The following GPHN variants were observed in gnomAD, a reference collection of about 807,000 sequenced individuals.
The protein encoded by GPHN is gephyrin.
In GPHN, 17 loss-of-function variants were observed where a neutral mutation model predicts 95.5. That is an observed-to-expected ratio of 0.18 (90% CI 0.12 to 0.27). The LOEUF (loss-of-function observed/expected upper bound fraction) is 0.27. Among genes scored for constraint, GPHN ranks in the 10% least tolerant of loss-of-function variants. The probability of loss-of-function intolerance (pLI) is 1.00; values close to 1 mark genes in which losing one functional copy is unlikely to be tolerated. For synonymous variants in GPHN, 320 were observed against 322.5 expected, an observed-to-expected ratio of 0.99 and a Z score of 0.08; for missense variants, 660 against 978.1, an observed-to-expected ratio of 0.67 and a Z score of 4.34.
At chr14:67,281,118 T>A in the GPHN span, among the ~76,000 whole-genome samples, 1 of 151,860 alleles carries the variant, frequency 6.6e-6, no homozygotes, top group East Asian at 1.9e-4. Context: ...AGGCTGGTCT[T>A]CAACTCCTGA....
the GPHN span, among the ~76,000 whole-genome samples, chr14:67,444,159 T>C: frequency 6.6e-6 from 1 of 152,248 alleles, no homozygotes; most frequent in African/African-American, 2.4e-5. Context: ...TATGTATTGA[T>C]GTCTTATGTC....
the GPHN span, chr14:67,616,594 G>A: frequency 6.6e-6 from 1 of 151,326 alleles, no homozygotes; most frequent in African/African-American, 2.4e-5. Context: ...TTTCAGACAT[G>A]GAATAAATAA....
At chr14:67,590,226 AGTGGT>A in the GPHN span, 1 of 1,378,742 alleles carries the variant, frequency 7.3e-7, no homozygotes, top group Non-Finnish European at 9.7e-7. Flanking sequence ...AAGGGAGTGC[AGTGGT>A]GCTGCATCCA....
chr14:67,444,557 A>G, the GPHN span, among the ~76,000 whole-genome samples: 3 of 152,184 alleles, frequency 2.0e-5, no homozygotes, highest in African/African-American at 4.8e-5. Context: ...AGTGATAGGA[A>G]TGTCTTTTGT....
At chr14:67,683,133 AT>A in the GPHN span, among the ~76,000 whole-genome samples, 1 of 152,242 alleles carries the variant, frequency 6.6e-6, no homozygotes, top group Non-Finnish European at 1.5e-5. Context: ...TCATTTCTTG[AT>A]GGTGGTCTAC....
At chr14:67,633,112 G>T in the GPHN span, among the ~76,000 whole-genome samples, 1 of 152,124 alleles carries the variant, frequency 6.6e-6, no homozygotes, top group East Asian at 1.9e-4. Flanking sequence ...GAGCCACTGC[G>T]CCCGGCCAAG....
At chr14:66,784,922 A>G (rs1479685201) in intron 3 of GPHN, among the ~76,000 whole-genome samples, 2 of 152,260 alleles carry the variant, frequency 1.3e-5, no homozygotes, top group African/African-American at 4.8e-5. Context: ...CAATTAAAAG[A>G]CAGATTTTGA....
chr14:67,330,306 A>T, the GPHN span, among the ~76,000 whole-genome samples: 1 of 151,702 alleles, frequency 6.6e-6, no homozygotes, highest in African/African-American at 2.4e-5. Flanking sequence ...GTTTCTCAAG[A>T]TGAATGCTTA....
In GPHN at chr14:66,508,406, C is replaced by T; in HGVS notation, c.-122C>T. The T allele has an allele frequency of 2.3e-6, 2 of 884,366 alleles. No homozygotes were observed. Among genetic ancestry groups the T allele is most frequent in the Admixed American group, 1.7e-5 (1 of 58,660 alleles). 54.8% of individuals were successfully genotyped at this position (884,366 alleles called of 1,614,324 possible). On this transcript the variant is annotated 5_prime_UTR_variant, in exon 1 of 23. Transcript: ENST00000478722. Reference sequence around the variant, plus strand: ...TGTGGCCTCCCCCTCCTTCCCCGCTCTCCTCGCGCTTCTCTGGCTCCCTAG... The same window carrying T: ...TGTGGCCTCCCCCTCCTTCCCCGCTTTCCTCGCGCTTCTCTGGCTCCCTAG...
chr14:67,713,771 T>C, the GPHN span, among the ~76,000 whole-genome samples: 2 of 152,190 alleles, frequency 1.3e-5, no homozygotes, highest in East Asian at 1.9e-4. Flanking sequence ...TTTGGTTTTA[T>C]ACATTCTAGG....
At chr14:66,706,628 C>T (rs952884694) in intron 2 of GPHN, among the ~76,000 whole-genome samples, 3 of 151,916 alleles carry the variant, frequency 2.0e-5, no homozygotes, top group Non-Finnish European at 4.4e-5. Context: ...AACTGAAACT[C>T]GACCCTTTCC....
chr14:67,487,596 T>C, the GPHN span, among the ~76,000 whole-genome samples: 2 of 152,286 alleles, frequency 1.3e-5, no homozygotes, highest in East Asian at 3.9e-4. Flanking sequence ...TTTCAGCACT[T>C]TGAAAGCAGA....
At chr14:66,591,839 T>C (rs569461915) in intron 1 of GPHN, among the ~76,000 whole-genome samples, 1 of 152,236 alleles carries the variant, frequency 6.6e-6, no homozygotes, top group South Asian at 2.1e-4. Flanking sequence ...AAAGAGGCTA[T>C]ATAGCCAAGA....
At chr14:67,008,729 A>G (rs6573743) in intron 9 of GPHN, among the ~76,000 whole-genome samples, 42,835 of 151,528 alleles carry the variant, frequency 0.28, 10,657 homozygotes, top group African/African-American at 0.65. Context: ...TGTTTTTAGT[A>G]GAGACAGGGT....
chr14:67,642,793 CTTTTTTTTT>C, the GPHN span, among the ~76,000 whole-genome samples: 91 of 75,560 alleles, frequency 1.2e-3, no homozygotes, highest in Non-Finnish European at 8.7e-4. Context: ...ACTACATTTT[CTTTTTTTTT>C]TTTTTTTTTT....
the GPHN span, among the ~76,000 whole-genome samples, chr14:67,688,598 CTT>C: frequency 1.5e-4 from 21 of 136,448 alleles, no homozygotes; most frequent in Admixed American, 1.5e-4. Context: ...GCTTTGAACT[CTT>C]TTTTTTTTTT....
At chr14:66,773,735 CT>C (rs986973245) in intron 2 of GPHN, among the ~76,000 whole-genome samples, 6 of 151,842 alleles carry the variant, frequency 4.0e-5, no homozygotes, top group African/African-American at 1.5e-4. Flanking sequence ...TGTAAGAGTT[CT>C]TTTTTTTGTT....
chr14:66,760,742 T>C (rs2058725779), intron 2 of GPHN: 1 of 461,906 alleles, frequency 2.2e-6, no homozygotes, highest in Non-Finnish European at 4.1e-6. Flanking sequence ...TTCATTTGAA[T>C]TTGAAAAACA....
chr14:67,694,356 T>G, the GPHN span, among the ~76,000 whole-genome samples: 1 of 151,240 alleles, frequency 6.6e-6, no homozygotes, highest in Non-Finnish European at 1.5e-5. Context: ...CCAGCAGGAA[T>G]GAAAGAGACA....
Sources: gnomAD v4.1 joint callset for allele counts (sites outside exome capture counted in the v4.1 genomes callset) on GRCh38, gnomAD v4.1.1 for gene constraint, MANE v1.5 for transcripts, NCBI Gene and HGNC (gene_info 2026-07-23, HGNC 2026-07-21) for gene names.